TMEM132D: variants seen among roughly 807,000 people sequenced by gnomAD.
TMEM132D encodes the protein mature OL transmembrane protein.
Under a neutral mutation model 62.3 loss-of-function variants are expected in TMEM132D, and 21 were observed. The observed-to-expected ratio is 0.34, with a 90% CI of 0.24 to 0.49. TMEM132D has a LOEUF of 0.49. TMEM132D is among the 20% of genes least tolerant of loss of function. The pLI is 0.99. For synonymous variants in TMEM132D, 621 were observed against 575.6 expected (o/e 1.08, Z -1.13); for missense variants, 1,346 against 1,402.8 (o/e 0.96, Z 0.65).
At chr12:129,877,613 G>GCACACACACACACACACACA (rs141592866) in intron 1 of TMEM132D, among the ~76,000 whole-genome samples, 11 of 144,400 alleles carry the variant, frequency 7.6e-5, no homozygotes, top group African/African-American at 2.6e-4. Context: ...GCGCGCGCGC[G>GCACACACACACACACACACA]CACACACACA....
chr12:129,462,557 T>C (rs543941843), intron 3 of TMEM132D, among the ~76,000 whole-genome samples: 32 of 152,324 alleles, frequency 2.1e-4, no homozygotes, highest in African/African-American at 7.0e-4. Context: ...ATCAAAGCTA[T>C]GTAGTTAACA....
intron 2 of TMEM132D, among the ~76,000 whole-genome samples, chr12:129,637,732 T>C (rs939940146): frequency 1.5e-4 from 23 of 152,162 alleles, no homozygotes; most frequent in African/African-American, 5.1e-4. Flanking sequence ...CTGCTTGGCT[T>C]CTGGGGAAGC....
intron 3 of TMEM132D, among the ~76,000 whole-genome samples, chr12:129,345,513 A>G (rs890766583): frequency 6.6e-6 from 1 of 152,190 alleles, no homozygotes; most frequent in African/African-American, 2.4e-5. Flanking sequence ...TGGCTTCAGT[A>G]TTATTTGGAA....
intron 1 of TMEM132D, among the ~76,000 whole-genome samples, chr12:129,845,856 G>A (rs987677624): frequency 1.3e-5 from 2 of 152,218 alleles, no homozygotes; most frequent in Admixed American, 1.3e-4. Flanking sequence ...CTGCTCCACA[G>A]GCCGTGCTCC....
intron 5 of TMEM132D, among the ~76,000 whole-genome samples, chr12:129,188,069 A>G (rs1321014275): frequency 6.6e-6 from 1 of 152,158 alleles, no homozygotes; most frequent in Non-Finnish European, 1.5e-5. Flanking sequence ...CTCTCCCACA[A>G]CCCACCCATC....
intron 1 of TMEM132D, among the ~76,000 whole-genome samples, chr12:129,712,101 T>C (rs934814177): frequency 6.6e-6 from 1 of 152,012 alleles, no homozygotes. Flanking sequence ...TATGTTTTCA[T>C]CTTTATTATT....
chr12:129,341,264 A>G (rs1869471177), intron 3 of TMEM132D, among the ~76,000 whole-genome samples: 1 of 152,240 alleles, frequency 6.6e-6, no homozygotes, highest in Non-Finnish European at 1.5e-5. Context: ...TGTGCTTACA[A>G]TAGAGTGTAA....
intron 3 of TMEM132D, among the ~76,000 whole-genome samples, chr12:129,483,446 C>T (rs571569822): frequency 9.9e-5 from 15 of 152,214 alleles, no homozygotes; most frequent in Non-Finnish European, 1.9e-4. Flanking sequence ...CTGAGTAACA[C>T]GCATTCTCGA....
At chr12:129,313,239 G>T (rs1882025104) in intron 4 of TMEM132D, among the ~76,000 whole-genome samples, 1 of 152,068 alleles carries the variant, frequency 6.6e-6, no homozygotes, top group South Asian at 2.1e-4. Flanking sequence ...TTCTTTGGTG[G>T]CGATTTGTGA....
chr12:129,190,021 A>T (rs1198852135), intron 5 of TMEM132D, among the ~76,000 whole-genome samples: 1 of 151,922 alleles, frequency 6.6e-6, no homozygotes, highest in African/African-American at 2.4e-5. Context: ...AAAGTCAGAG[A>T]TGCAACACGG....
chr12:129,809,678 C>T (rs1872108444), intron 1 of TMEM132D, among the ~76,000 whole-genome samples: 1 of 152,056 alleles, frequency 6.6e-6, no homozygotes. Flanking sequence ...AGCTGATGTA[C>T]ATGTTTGTTT....
intron 3 of TMEM132D, among the ~76,000 whole-genome samples, chr12:129,409,515 T>C (rs1871901310): frequency 6.6e-6 from 1 of 152,186 alleles, no homozygotes; most frequent in South Asian, 2.1e-4. Context: ...ACACACCATG[T>C]GAGAGAAATT....
chr12:129,468,381 T>C (rs900314590), intron 3 of TMEM132D, among the ~76,000 whole-genome samples: 3 of 152,156 alleles, frequency 2.0e-5, no homozygotes, highest in African/African-American at 4.8e-5. Context: ...ATTCCTAATT[T>C]CTTTCCCTGA....
chr12:129,777,204 C>A (rs188491494), intron 1 of TMEM132D, among the ~76,000 whole-genome samples: 51 of 152,136 alleles, frequency 3.4e-4, no homozygotes, highest in African/African-American at 1.1e-3. Context: ...GGTCTGATAC[C>A]ACAAAGGTGA....
chr12:129,091,671 T>G (rs1874922129), intron 5 of TMEM132D, among the ~76,000 whole-genome samples: 1 of 151,970 alleles, frequency 6.6e-6, no homozygotes, highest in South Asian at 2.1e-4. Context: ...ACCTTACCTA[T>G]CTCACCTGGA....
At chr12:129,196,207 A>G (rs562480176) in intron 5 of TMEM132D, among the ~76,000 whole-genome samples, 49 of 152,346 alleles carry the variant, frequency 3.2e-4, no homozygotes, top group Admixed American at 3.0e-3. Context: ...ATTTAAATCC[A>G]TGCAATTTGA....
At chr12:129,134,312 G>T (rs1876489863) in intron 5 of TMEM132D, among the ~76,000 whole-genome samples, 1 of 152,184 alleles carries the variant, frequency 6.6e-6, no homozygotes, top group Admixed American at 6.5e-5. Flanking sequence ...TCAGGCACTG[G>T]ACTTTCTTTA....
chr12:129,302,450 C>T (rs1205352817), intron 4 of TMEM132D, among the ~76,000 whole-genome samples: 2 of 152,234 alleles, frequency 1.3e-5, no homozygotes, highest in Non-Finnish European at 2.9e-5. Context: ...CAGGATATGT[C>T]TCCGAGGGCT....
At chr12:129,677,819 T>C (rs1880669268) in intron 2 of TMEM132D, among the ~76,000 whole-genome samples, 1 of 140,868 alleles carries the variant, frequency 7.1e-6, no homozygotes, top group Admixed American at 7.1e-5. Flanking sequence ...CTAAATTTTC[T>C]AGTGATTTTG....
Sources: gnomAD v4.1 joint callset for allele counts (sites outside exome capture counted in the v4.1 genomes callset) on GRCh38, gnomAD v4.1.1 for gene constraint, MANE v1.5 for transcripts, NCBI Gene and HGNC (gene_info 2026-07-23, HGNC 2026-07-21) for gene names.